Variants in UNC93A observed in about 807,000 individuals in gnomAD.
The protein encoded by UNC93A is N-acetylglucosamine transporter UNC93A.
A neutral mutation model predicts 47.5 loss-of-function variants in UNC93A; 43 were observed. The observed-to-expected ratio is 0.91, with a 90% CI of 0.71 to 1.17. The LOEUF (loss-of-function observed/expected upper bound fraction) is 1.17. Ranked by LOEUF, UNC93A falls within the 50% of genes most tolerant of loss-of-function variation. The pLI, the probability that UNC93A is intolerant of heterozygous loss-of-function variation, is 0.00. For synonymous variants in UNC93A, 280 were observed against 258.0 expected, an observed-to-expected ratio of 1.09 and a Z score of -0.82; for missense variants, 605 against 577.6, an observed-to-expected ratio of 1.05 and a Z score of -0.49.
chr6:167,291,381 G>C lies in UNC93A; in HGVS notation c.-109G>C. On this transcript the variant is annotated 5_prime_UTR_variant, in exon 1 of 8. Transcript: ENST00000230256. ...TTTCACCTCTAGCTCAGATGAGAGA[G>C]AGAATGGGACTTCTTGGTACTGATT... 4.6e-6 allele frequency: 4 copies of C among 862,686 alleles called. No individual in the cohort carries two copies. 53.4% of individuals were successfully genotyped at this position (862,686 alleles called of 1,614,324 possible).
At chr6:167,285,981 C>T (rs112132877) in intron 1 of UNC93A, among the ~76,000 whole-genome samples, 2,101 of 130,424 alleles carry the variant, frequency 0.016, 34 homozygotes, top group East Asian at 0.041. Context: ...TATATATATA[C>T]ACACACACAC....
At chr6:167,296,859 A>G (rs1049175598) in intron 3 of UNC93A, among the ~76,000 whole-genome samples, 1 of 152,196 alleles carries the variant, frequency 6.6e-6, no homozygotes, top group Non-Finnish European at 1.5e-5. Context: ...TGCTTACAGG[A>G]AAACTTTCCC....
rs1381297351 is a variant in UNC93A at position 167,291,508 on chromosome 6, A to G, written c.19A>G (p.Asn7Asp). The G allele has an allele frequency of 1.2e-6, 2 of 1,613,964 alleles. No homozygotes were observed. The highest frequency in any genetic ancestry group is 1.1e-5 in the South Asian group (1 of 91,008). MDRSLR[N>D]VLVVSFGFLL... is the part of the protein sequence containing the mutation. The stretch of plus-strand genomic sequence containing the variant: ...CAGCACAATGGACAGAAGTCTAAGG[A>G]ACGTCCTTGTGGTTTCCTTTGGGTT... The change falls in exon 1 of 8, where the codon AAC (asparagine) becomes GAC (aspartate). Residue 7 changes from asparagine to aspartate, a missense_variant. Physicochemically the swap from Asn to Asp is conservative, Grantham distance 23. Transcript: ENST00000230256.
At chr6:167,305,806 G>C in intron 5 of UNC93A, 109 bp from the exon 6 acceptor site, 1 of 1,500,390 alleles carries the variant, frequency 6.7e-7, no homozygotes, top group Middle Eastern at 2.1e-4. Flanking sequence ...GGCAACACTG[G>C]CCTGCTGGCC....
upstream of UNC93A, among the ~76,000 whole-genome samples, chr6:167,289,123 C>G (rs1256375513): frequency 4.6e-5 from 7 of 152,418 alleles, no homozygotes; most frequent in East Asian, 1.2e-3. Flanking sequence ...AACGCCAAAA[C>G]CAGCTCTGAG....
intron 1 of UNC93A, among the ~76,000 whole-genome samples, chr6:167,276,841 C>T (rs1783552366): frequency 6.6e-6 from 1 of 152,246 alleles, no homozygotes; most frequent in Admixed American, 6.5e-5. Flanking sequence ...GTCATCACAC[C>T]TGGTTTCTGC....
intron 1 of UNC93A, among the ~76,000 whole-genome samples, chr6:167,281,583 C>T (rs188342945): frequency 6.6e-6 from 1 of 152,274 alleles, no homozygotes; most frequent in Non-Finnish European, 1.5e-5. Flanking sequence ...CTCCACAAAA[C>T]GCCCATAAAT....
Position 167,291,530 on chromosome 6 carries a change from G to T in UNC93A, c.41G>T (p.Gly14Val). ...SLRNVLVVSF[G>V]FLLLFTAYGG... Reference sequence around the variant, plus strand: ...AGGAACGTCCTTGTGGTTTCCTTTGGGTTCCTGCTTCTCTTTACAGCCTAT... The same window carrying T: ...AGGAACGTCCTTGTGGTTTCCTTTGTGTTCCTGCTTCTCTTTACAGCCTAT... The change falls in exon 1 of 8, where the codon GGG (glycine) becomes GTG (valine). Residue 14 changes from glycine to valine, a missense_variant. By Grantham distance (109) the Gly-to-Val change is moderately radical. Coordinates refer to ENST00000230256, the MANE Select transcript of UNC93A (RefSeq NM_018974.4). 1 of 1,613,858 alleles carries T rather than the reference G, an allele frequency of 6.2e-7. No homozygotes were observed. Among genetic ancestry groups the T allele is most frequent in the Non-Finnish European group, 8.5e-7 (1 of 1,179,898 alleles).
chr6:167,286,661 A>G (rs754343128), upstream of UNC93A, among the ~76,000 whole-genome samples: 1 of 152,144 alleles, frequency 6.6e-6, no homozygotes, highest in Non-Finnish European at 1.5e-5. Flanking sequence ...GACAAAAATA[A>G]TTGATAGAAA....
chr6:167,275,733 C>T (rs1331736311), intron 1 of UNC93A, among the ~76,000 whole-genome samples: 1 of 152,256 alleles, frequency 6.6e-6, no homozygotes, highest in Non-Finnish European at 1.5e-5. Flanking sequence ...GCTGGGTCCA[C>T]ACCCTGCTTT....
chr6:167,280,562 T>C (rs1783615145), intron 1 of UNC93A, among the ~76,000 whole-genome samples: 1 of 152,132 alleles, frequency 6.6e-6, no homozygotes, highest in Non-Finnish European at 1.5e-5. Flanking sequence ...AAAAGAATTA[T>C]GAATATCTCA....
At chr6:167,282,404 A>AT (rs971811939) in intron 1 of UNC93A, among the ~76,000 whole-genome samples, 3 of 151,808 alleles carry the variant, frequency 2.0e-5, no homozygotes, top group Non-Finnish European at 4.4e-5. Flanking sequence ...GGGGAGGGGG[A>AT]TTTTTTGTGC....
At chr6:167,281,191 A>C (rs1034448141) in intron 1 of UNC93A, among the ~76,000 whole-genome samples, 1 of 151,002 alleles carries the variant, frequency 6.6e-6, no homozygotes, top group Non-Finnish European at 1.5e-5. Flanking sequence ...GGAGCCCTAG[A>C]AGATCATCCC....
chr6:167,275,456 A>T (rs1457831555), intron 1 of UNC93A, among the ~76,000 whole-genome samples: 1 of 152,166 alleles, frequency 6.6e-6, no homozygotes, highest in Non-Finnish European at 1.5e-5. Flanking sequence ...CACTCTCCAC[A>T]TTTGGGCTTT....
intron 1 of UNC93A, among the ~76,000 whole-genome samples, chr6:167,276,092 A>G (rs1287476766): frequency 2.1e-5 from 3 of 144,036 alleles, no homozygotes; most frequent in Non-Finnish European, 1.5e-5. Context: ...CACACATATG[A>G]GTGAGAACGT....
intron 7 of UNC93A, among the ~76,000 whole-genome samples, chr6:167,314,605 C>T (rs1778642440): frequency 1.3e-5 from 2 of 152,252 alleles, no homozygotes; most frequent in Non-Finnish European, 2.9e-5. Flanking sequence ...TAGCTGGGAA[C>T]TGCTTAGCAC....
intron 7 of UNC93A, 46 bp from the exon 8 acceptor site, chr6:167,315,141 C>T (rs758090228): frequency 2.5e-6 from 4 of 1,606,418 alleles, no homozygotes; most frequent in Non-Finnish European, 3.4e-6. Context: ...AACAGGGTCA[C>T]TGTGGGGCCC....
upstream of UNC93A, among the ~76,000 whole-genome samples, chr6:167,269,977 C>T (rs1329382432): frequency 1.3e-5 from 2 of 149,104 alleles, no homozygotes; most frequent in Non-Finnish European, 3.0e-5. Flanking sequence ...TGTCCTGGGC[C>T]CCTAAATTCT....
chr6:167,305,388 G>A lies in UNC93A; in HGVS notation c.841-527G>A, dbSNP rs551303437. Reference sequence around the variant, plus strand: ...TGTCCTTGTCCCCCCTGATGTGGCTGTGGCTGGTCTTCTCGTCTCAGTCCC... The same window carrying A: ...TGTCCTTGTCCCCCCTGATGTGGCTATGGCTGGTCTTCTCGTCTCAGTCCC... On this transcript the variant is annotated intron_variant, in intron 5 of 7. Transcript: ENST00000230256. Among the ~76,000 whole-genome samples the A allele has an allele frequency of 7.9e-5, 12 of 152,322 alleles. 1 individual carries two copies. Among genetic ancestry groups the A allele is most frequent in the Admixed American group, 2.0e-4 (3 of 15,310 alleles).
Sources: allele counts gnomAD v4.1 joint callset (sites outside exome capture counted in the v4.1 genomes callset), GRCh38; gene constraint gnomAD v4.1.1; transcripts MANE v1.5; gene names NCBI Gene and HGNC (gene_info 2026-07-23, HGNC 2026-07-21).